The following RGS12 variants were observed in gnomAD, a reference collection of about 807,000 sequenced individuals.
The protein encoded by RGS12 is regulator of G protein signaling 12, also known as regulator of G-protein signaling 12.
In RGS12, 66 loss-of-function variants were observed where a neutral mutation model predicts 120.1. The ratio of observed to expected loss-of-function variants is 0.55; its 90% CI spans 0.45 to 0.67. The LOEUF is 0.67. RGS12 is among the 30% of genes least tolerant of loss of function. The probability of loss-of-function intolerance (pLI) is 0.00; values close to 1 mark genes in which losing one functional copy is unlikely to be tolerated. For missense variants in RGS12, 1,859 were observed against 1,957.7 expected, an observed-to-expected ratio of 0.95 and a Z score of 0.95; for synonymous variants, 827 against 804.7, an observed-to-expected ratio of 1.03 and a Z score of -0.47.
At chr4:3,388,809 A>G (rs1719141840) in intron 4 of RGS12, among the ~76,000 whole-genome samples, 1 of 152,138 alleles carries the variant, frequency 6.6e-6, no homozygotes, top group Non-Finnish European at 1.5e-5. Flanking sequence ...CCACACAGAG[A>G]TCTTTTTATA....
In RGS12 at chr4:3,316,722, A is replaced by T; in HGVS notation, c.552A>T (p.Glu184Asp). Residue 184 changes from glutamate to aspartate, a missense_variant, in exon 2 of 18, where the codon GAA becomes GAT. By Grantham distance (45) the Glu-to-Asp change is conservative. Transcript: ENST00000336727. The part of the protein sequence containing the change: ...SAATRFDVGH[E>D]SINNPNPNML... ...CAACTCGATTTGATGTTGGACATGA[A>T]AGTATAAATAATCCAAATCCCAACA... is the stretch of plus-strand genomic sequence containing the variant. 1 of 1,614,206 alleles carries T rather than the reference A, an allele frequency of 6.2e-7. No homozygotes were observed. Among genetic ancestry groups the T allele is most frequent in the Non-Finnish European group, 8.5e-7 (1 of 1,180,024 alleles).
At chr4:3,364,286 G>T (rs113443225) in intron 3 of RGS12, among the ~76,000 whole-genome samples, 1,756 of 152,216 alleles carry the variant, frequency 0.012, 46 homozygotes, top group African/African-American at 0.038. Flanking sequence ...TCCATCTGCC[G>T]TAACTGTGAC....
In RGS12 at chr4:3,345,386, A is replaced by G. The variant is rs115706973; in HGVS notation, c.1998+2333A>G. Among the ~76,000 whole-genome samples the G allele has an allele frequency of 3.9e-3, 600 of 152,288 alleles. 4 individuals carry two copies. Among genetic ancestry groups the G allele is most frequent in the African/African-American group, 0.014 (581 of 41,544 alleles). On this transcript the variant is annotated intron_variant, in intron 3 of 17. Transcript: ENST00000336727. ...AAGTGACTCCATTTTCTTTCTGACA[A>G]CTTTCACATTTCCCCCTTTTAATTG... is the stretch of plus-strand genomic sequence containing the variant.
chr4:3,328,629 A>G (rs773786669), intron 2 of RGS12, among the ~76,000 whole-genome samples: 1 of 152,232 alleles, frequency 6.6e-6, no homozygotes, highest in Non-Finnish European at 1.5e-5. Flanking sequence ...GAAATGGACT[A>G]CGACTATATA....
chr4:3,296,478 C>T (rs1218657793), intron 1 of RGS12, among the ~76,000 whole-genome samples: 2 of 152,190 alleles, frequency 1.3e-5, no homozygotes, highest in Non-Finnish European at 2.9e-5. Context: ...GCACGAGCCA[C>T]CGCGCCTAGC....
chr4:3,341,041 G>A (rs541914815), intron 2 of RGS12, among the ~76,000 whole-genome samples: 1 of 151,396 alleles, frequency 6.6e-6, no homozygotes, highest in Non-Finnish European at 1.5e-5. Flanking sequence ...TCTCGGCCTG[G>A]TGGGGGCCCA....
intron 17 of RGS12, chr4:3,432,127 G>A (rs1306040775): frequency 6.1e-6 from 6 of 985,352 alleles, no homozygotes; most frequent in Admixed American, 1.2e-4. Flanking sequence ...TCTCACCTGC[G>A]TTTTGAGTCT....
intron 3 of RGS12, among the ~76,000 whole-genome samples, chr4:3,383,328 G>T (rs1474134958): frequency 6.6e-6 from 1 of 152,056 alleles, no homozygotes; most frequent in Admixed American, 6.6e-5. Flanking sequence ...ATGTTTGGGT[G>T]GGGCATGGAG....
At position 3,428,078 on chromosome 4, in the gene RGS12, T is replaced by G. The variant is rs754982882; in HGVS notation, c.3332-12T>G. On this transcript the variant is annotated splice_polypyrimidine_tract_variant and intron_variant, in intron 14 of 17. Transcript: ENST00000336727. Reference sequence around the variant, plus strand: ...GCGAGTCCCTGAAGTCATAAAGCTTTCTTATGTTTAGCATCCGCAGATAAA... The same window carrying G: ...GCGAGTCCCTGAAGTCATAAAGCTTGCTTATGTTTAGCATCCGCAGATAAA... The G allele has an allele frequency of 1.2e-6, 2 of 1,611,984 alleles. No homozygotes were observed. The highest frequency in any genetic ancestry group is 2.2e-5 in the South Asian group (2 of 91,042).
At chr4:3,431,039 G>A (rs757437548) in intron 17 of RGS12, 84 bp downstream of exon 17, 153 of 1,520,950 alleles carry the variant, frequency 1.0e-4, no homozygotes, top group Middle Eastern at 2.1e-4. Flanking sequence ...GTGGGCCCCC[G>A]GCTGCCACTG....
intron 4 of RGS12, among the ~76,000 whole-genome samples, chr4:3,412,390 T>C (rs1303210176): frequency 6.6e-6 from 1 of 152,234 alleles, no homozygotes; most frequent in Non-Finnish European, 1.5e-5. Context: ...CCATAAGGTT[T>C]AGTGTCGCTT....
intron 9 of RGS12, chr4:3,418,672 CT>C (rs2109134594): frequency 6.6e-6 from 1 of 152,416 alleles, no homozygotes; most frequent in African/African-American, 2.4e-5. Context: ...GTGGGCAGCC[CT>C]GAGCTTCTGG....
intron 6 of RGS12, among the ~76,000 whole-genome samples, chr4:3,415,312 C>G (rs1035601761): frequency 1.3e-5 from 2 of 152,198 alleles, no homozygotes; most frequent in Non-Finnish European, 2.9e-5. Flanking sequence ...TGAAAAAAAT[C>G]ATTTCTTTTT....
chr4:3,342,950 G>T lies in RGS12; in HGVS notation c.1895G>T (p.Gly632Val), dbSNP rs1402356883. Reference sequence around the variant, plus strand: ...CTTCGTGTTTAGGGCTCAAAATTTGGGCGGGGAACTGGACTCACTCAGCCT... The same window carrying T: ...CTTCGTGTTTAGGGCTCAAAATTTGTGCGGGGAACTGGACTCACTCAGCCT... Reference protein sequence around the residue: ...TKEDKKGSKFGRGTGLTQPSQ... With the variant: ...TKEDKKGSKFVRGTGLTQPSQ... The change falls in exon 3 of 18, where the codon GGG (glycine) becomes GTG (valine). Residue 632 changes from glycine (G) to valine (V), a missense_variant. By Grantham distance (109) the Gly-to-Val change is moderately radical (BLOSUM62 -3). This residue lies in a region of RGS12 where 967 missense variants were observed against 994.2 expected (regional missense o/e 0.97). Transcript: ENST00000336727. The T allele has an allele frequency of 1.2e-6, 2 of 1,613,326 alleles. No homozygotes were observed. The highest frequency in any genetic ancestry group is 2.7e-5 in the African/African-American group (2 of 74,854).
intron 16 of RGS12, among the ~76,000 whole-genome samples, chr4:3,429,701 T>C (rs1724036923): frequency 6.6e-6 from 1 of 152,200 alleles, no homozygotes; most frequent in Non-Finnish European, 1.5e-5. Context: ...GCCAAGAAGC[T>C]GGAGGCACCT....
At chr4:3,419,447 G>T (rs1430161295) in intron 9 of RGS12, 1 of 152,044 alleles carries the variant, frequency 6.6e-6, no homozygotes, top group Non-Finnish European at 1.5e-5. Flanking sequence ...AGTGAGTGGA[G>T]AACTACACTC....
At chr4:3,320,765 C>T (rs1321866419) in intron 2 of RGS12, among the ~76,000 whole-genome samples, 1 of 152,150 alleles carries the variant, frequency 6.6e-6, no homozygotes, top group Non-Finnish European at 1.5e-5. Flanking sequence ...CAGAAGCTTC[C>T]AGGGGTCATG....
In RGS12 at chr4:3,423,590, G is replaced by C. The variant is rs753124440; in HGVS notation, c.3183G>C (p.Arg1061=). 6.2e-7 allele frequency: 1 copy of C among 1,612,374 alleles called. No individual in the cohort carries two copies. Among genetic ancestry groups the C allele is most frequent in the Non-Finnish European group, 8.5e-7 (1 of 1,179,948 alleles). The change falls in exon 13 of 18, where the codon CGG becomes CGC. Residue 1061 remains arginine (R), a synonymous_variant. Transcript: ENST00000336727. The part of the protein sequence containing the change: ...KPTKPVTEVL[R]PVVARYGLDL... ...CCAAGCCCGTCACGGAGGTGCTGCG[G>C]CCCGTGGTGGCCAGATACGGCCTGG...
At chr4:3,364,039 G>A (rs1010941534) in intron 3 of RGS12, among the ~76,000 whole-genome samples, 3 of 152,194 alleles carry the variant, frequency 2.0e-5, no homozygotes, top group African/African-American at 7.2e-5. Context: ...TTCCCTCTCC[G>A]ATTCTGCACG....
Sources: gnomAD v4.1 joint callset for allele counts (sites outside exome capture counted in the v4.1 genomes callset) on GRCh38, gnomAD v4.1.1 for gene constraint, gnomAD v4.1.1 regional missense constraint, MANE v1.5 for transcripts, NCBI Gene and HGNC (gene_info 2026-07-23, HGNC 2026-07-21) for gene names.